FOLR2: variants seen among roughly 807,000 people sequenced by gnomAD.
FOLR2 encodes the protein folate receptor 2 (fetal).
Under a neutral mutation model 20.4 loss-of-function variants are expected in FOLR2, and 14 were observed. The observed-to-expected ratio is 0.68, with a 90% CI of 0.45 to 1.07. The LOEUF is 1.07. FOLR2 is among the 50% of genes least tolerant of loss of function. The pLI, the probability that FOLR2 is intolerant of heterozygous loss-of-function variation, is 0.00. For missense variants in FOLR2, 269 were observed against 322.6 expected (o/e 0.83, Z 1.27); for synonymous variants, 114 against 114.3 (o/e 1.00, Z 0.02).
intron 1 of FOLR2, among the ~76,000 whole-genome samples, chr11:72,217,981 G>A (rs974211221): frequency 1.3e-5 from 2 of 152,190 alleles, no homozygotes; most frequent in Non-Finnish European, 2.9e-5. Context: ...GAAAAAGTCT[G>A]AGGAAGCAAA....
intron 1 of FOLR2, chr11:72,217,188 C>A: frequency 1.9e-6 from 1 of 513,110 alleles, no homozygotes; most frequent in Non-Finnish European, 3.4e-6. Flanking sequence ...CCTCGCCTGG[C>A]TAATTTTTGT....
In FOLR2 at chr11:72,221,254, T is replaced by C. The variant is rs779883926; in HGVS notation, c.418T>C (p.Cys140Arg). ...GGACTGTCAGCGCTGGTGGGAGGAT[T>C]GTCACACCTCCCACACGTGCAAGAG... ...KEDCQRWWED[C>R]HTSHTCKSNW... is the part of the protein sequence containing the mutation. Residue 140 changes from cysteine (C) to arginine (R), a missense_variant, in exon 4 of 5, where the codon TGT (cysteine) becomes CGT (arginine). By Grantham distance (180) the Cys-to-Arg change is radical (BLOSUM62 -3). Coordinates refer to ENST00000298223, the MANE Select transcript of FOLR2 (RefSeq NM_000803.5). 9.3e-6 allele frequency: 15 copies of C among 1,613,938 alleles called. No individual in the cohort carries two copies. Among genetic ancestry groups the C allele is most frequent in the Non-Finnish European group, 1.2e-5 (14 of 1,179,886 alleles).
chr11:72,221,400 T>C (rs1460652700), intron 4 of FOLR2, 70 bp from the exon 5 acceptor site: 6 of 1,595,960 alleles, frequency 3.8e-6, no homozygotes, highest in Non-Finnish European at 5.1e-6. Context: ...TGAAGATTTC[T>C]GGGGGTGGCC....
rs202185342 is a variant in FOLR2, at chr11:72,221,085, C to T, written c.339+27C>T. On this transcript the variant is annotated intron_variant, in intron 3 of 4. Coordinates refer to ENST00000298223, the MANE Select transcript of FOLR2 (RefSeq NM_000803.5). The stretch of plus-strand genomic sequence containing the variant: ...TAGGGTGTCTCCCCCCCACCCACCC[C>T]AGCAGACTGCCATCCCCCTCAGTCA... 36 of 1,553,006 alleles carry T rather than the reference C, an allele frequency of 2.3e-5. No homozygotes were observed. The African/African-American group carries it at 3.4e-4, about 15-fold the overall frequency.
chr11:72,217,051 G>C (rs906246211), intron 1 of FOLR2, 126 bp downstream of exon 1: 8 of 1,059,688 alleles, frequency 7.5e-6, no homozygotes, highest in Non-Finnish European at 1.1e-5. Flanking sequence ...TTGAGACAGA[G>C]TCTCGCTCTG....
At position 72,221,777 on chromosome 11, in the gene FOLR2, G is replaced by A; in HGVS notation, c.*15G>A. Reference sequence around the variant, plus strand: ...TCCTTGGCTGAGTTCAGTCCTCCCAGACTACCTGCCCTCAGCTTGGATAAC... The same window carrying A: ...TCCTTGGCTGAGTTCAGTCCTCCCAAACTACCTGCCCTCAGCTTGGATAAC... On this transcript the variant is annotated 3_prime_UTR_variant, in exon 5 of 5. Transcript: ENST00000298223. 6 of 1,608,516 alleles carry A rather than the reference G, an allele frequency of 3.7e-6. No individual in the cohort carries two copies. The highest frequency in any genetic ancestry group is 5.1e-6 in the Non-Finnish European group (6 of 1,176,060).
rs141425716 is a variant in FOLR2, at chr11:72,221,240, G to A, written c.404G>A (p.Arg135His). 2.0e-5 allele frequency: 33 copies of A among 1,613,868 alleles called. 1 individual carries two copies. The Middle Eastern group carries it at 4.9e-4, about 24-fold the overall frequency. ...CCCTTATGCAAAGAGGACTGTCAGC[G>A]CTGGTGGGAGGATTGTCACACCTCC... ...DVPLCKEDCQ[R>H]WWEDCHTSHT... is the part of the protein sequence containing the mutation. Residue 135 changes from arginine (R) to histidine (H), a missense_variant, in exon 4 of 5, where the codon CGC (arginine) becomes CAC (histidine). Physicochemically the swap from Arg to His is conservative, Grantham distance 29. Coordinates refer to ENST00000298223, the MANE Select transcript of FOLR2 (RefSeq NM_000803.5).
intron 2 of FOLR2, among the ~76,000 whole-genome samples, chr11:72,220,088 C>A (rs1432521591): frequency 6.6e-6 from 1 of 152,120 alleles, no homozygotes; most frequent in Non-Finnish European, 1.5e-5. Flanking sequence ...GGTGGTAGAC[C>A]TGCCTCGGCC....
At chr11:72,217,588 C>T (rs1199012383) in intron 1 of FOLR2, among the ~76,000 whole-genome samples, 1 of 152,078 alleles carries the variant, frequency 6.6e-6, no homozygotes, top group Non-Finnish European at 1.5e-5. Context: ...TTGTTGAGTG[C>T]CTTCCAGGAC....
chr11:72,216,868 T>G lies in FOLR2; in HGVS notation c.-82T>G. The G allele has an allele frequency of 6.3e-7, 1 of 1,599,064 alleles. No homozygotes were observed. On this transcript the variant is annotated 5_prime_UTR_variant, in exon 1 of 5. Transcript: ENST00000298223. ...TAGGGGCCTGGATCTATTGCCTACT[T>G]AGAGAGAGGCCAACTCAGACACAGC...
At chr11:72,217,021 A>G in intron 1 of FOLR2, 96 bp downstream of exon 1, 2 of 1,261,936 alleles carry the variant, frequency 1.6e-6, no homozygotes, top group Middle Eastern at 1.9e-4. Flanking sequence ...TCTGTATTGT[A>G]TTGTATTGTA....
rs767575485 is a variant in FOLR2, at chr11:72,221,048, G to A, written c.329G>A (p.Trp110Ter). Residue 110 changes from tryptophan (W) to a stop codon, truncating the protein, a stop_gained, in exon 3 of 5, where the codon TGG (tryptophan) becomes TAG (stop). Coordinates refer to ENST00000298223, the MANE Select transcript of FOLR2 (RefSeq NM_000803.5). LOFTEE classifies it high-confidence loss of function. ...LYECSPNLGP[W>*]IQQVNQSWRK... ...GAGTGCTCACCCAACCTGGGGCCCT[G>A]GATCCAGCAGGTAGGGTGTCTCCCC... is the stretch of plus-strand genomic sequence containing the variant. 1 of 1,612,664 alleles carries A rather than the reference G, an allele frequency of 6.2e-7. No homozygotes were observed. The highest frequency in any genetic ancestry group is 8.5e-7 in the Non-Finnish European group (1 of 1,179,604).
rs1163844973 is a variant in FOLR2 at position 72,216,904 on chromosome 11, C to T, written c.-46C>T. ...CAACTCAGACACAGCCGTGTATGCT[C>T]CCAGCAGCAACGGAGGTTCAGGCAA... On this transcript the variant is annotated 5_prime_UTR_variant, in exon 1 of 5. Coordinates refer to ENST00000298223, the MANE Select transcript of FOLR2 (RefSeq NM_000803.5). The T allele has an allele frequency of 1.9e-6, 3 of 1,599,520 alleles. No homozygotes were observed. The highest frequency in any genetic ancestry group is 2.2e-5 in the South Asian group (2 of 91,080).
At chr11:72,217,100 C>G (rs1259023628) in intron 1 of FOLR2, among the ~76,000 whole-genome samples, 175 bp downstream of exon 1, 1 of 152,218 alleles carries the variant, frequency 6.6e-6, no homozygotes, top group Non-Finnish European at 1.5e-5. Context: ...TCTTGGCTCA[C>G]TGCAACCTCT....
At chr11:72,219,731 C>G (rs1948452120) in intron 2 of FOLR2, among the ~76,000 whole-genome samples, 1 of 152,116 alleles carries the variant, frequency 6.6e-6, no homozygotes, top group Non-Finnish European at 1.5e-5. Context: ...CATAGTACAG[C>G]CTTCTATTTC....
intron 4 of FOLR2, 73 bp downstream of exon 4, chr11:72,221,384 GT>G (rs1948490529): frequency 6.3e-7 from 1 of 1,598,404 alleles, no homozygotes. Flanking sequence ...AGGATTTGGG[GT>G]GGGGTGAAGA....
At position 72,216,836 on chromosome 11, in the gene FOLR2, G is replaced by T; in HGVS notation, c.-114G>T. ...CTGTACCGAAGACAGAGGCTGTGGG[G>T]ACAGCCTAGGGGCCTGGATCTATTG... On this transcript the variant is annotated 5_prime_UTR_variant, in exon 1 of 5. Coordinates refer to ENST00000298223, the MANE Select transcript of FOLR2 (RefSeq NM_000803.5). 1 of 1,531,714 alleles carries T rather than the reference G, an allele frequency of 6.5e-7. No individual in the cohort carries two copies. The highest frequency in any genetic ancestry group is 8.9e-7 in the Non-Finnish European group (1 of 1,118,616). The allele number at this position is 1,531,714 out of a possible 1,614,324, so 94.9% of individuals were successfully genotyped here.
At chr11:72,217,233 C>G in intron 1 of FOLR2, 4 of 546,844 alleles carry the variant, frequency 7.3e-6, no homozygotes, top group Non-Finnish European at 1.3e-5. Context: ...TCATGTTGGT[C>G]AGGCTGGTCT....
At chr11:72,218,503 G>A in intron 1 of FOLR2, 58 bp from the exon 2 acceptor site, 2 of 1,496,418 alleles carry the variant, frequency 1.3e-6, no homozygotes, top group East Asian at 2.4e-5. Context: ...GAGGCAGGAG[G>A]TGAATGGGCT....
Sources: allele counts gnomAD v4.1 joint callset (sites outside exome capture counted in the v4.1 genomes callset), GRCh38; gene constraint gnomAD v4.1.1; transcripts MANE v1.5; gene names NCBI Gene and HGNC (gene_info 2026-07-23, HGNC 2026-07-21).